CTBS: variants seen among roughly 807,000 people sequenced by gnomAD.
CTBS encodes the protein chitobiase, also known as di-N-acetylchitobiase.
A neutral mutation model predicts 44.3 loss-of-function variants in CTBS; 35 were observed. That is an observed-to-expected ratio of 0.79 (90% CI 0.60 to 1.05). The LOEUF is 1.05. Ranked by LOEUF, CTBS falls within the 50% of genes least tolerant of loss-of-function variation. The pLI, the probability that CTBS is intolerant of heterozygous loss-of-function variation, is 0.00. For synonymous variants in CTBS, 143 were observed against 168.0 expected, an observed-to-expected ratio of 0.85 and a Z score of 1.15; for missense variants, 458 against 475.3, an observed-to-expected ratio of 0.96 and a Z score of 0.34.
Position 84,551,136 on chromosome 1 carries a change from T to C in CTBS, c.*3863A>G. On this transcript the variant is annotated 3_prime_UTR_variant, in exon 7 of 7. Transcript: ENST00000370630. ...TCATAGAAATTATCTGTGAAGTACA[T>C]ATGTATTAAAAAGCTTTTTTGTTGA... 7.1e-6 allele frequency: 7 copies of C among 985,220 alleles called. No individual in the cohort carries two copies. Among genetic ancestry groups the C allele is most frequent in the Non-Finnish European group, 8.4e-6 (7 of 829,792 alleles). 61.0% of individuals were successfully genotyped at this position (985,220 alleles called of 1,614,324 possible). A position where few individuals can be genotyped will look rare whatever the true frequency, so the allele number is the denominator to read the frequency against.
Position 84,550,520 on chromosome 1 carries a change from T to C in CTBS, c.*4479A>G. The C allele has an allele frequency of 1.3e-6, 2 of 1,540,896 alleles. No homozygotes were observed. Among genetic ancestry groups the C allele is most frequent in the African/African-American group, 1.4e-5 (1 of 71,908 alleles). On this transcript the variant is annotated 3_prime_UTR_variant, in exon 7 of 7. Coordinates refer to ENST00000370630, the MANE Select transcript of CTBS (RefSeq NM_004388.3). ...GATACTGACAAAATGAAACTCATAG[T>C]AGAAGTTAAGGTAATTTACATTTTT...
intron 3 of CTBS, among the ~76,000 whole-genome samples, chr1:84,567,391 A>C (rs1227687405): frequency 6.6e-6 from 1 of 152,210 alleles, no homozygotes; most frequent in Non-Finnish European, 1.5e-5. Context: ...CCATTTTGTA[A>C]GAGTGTTTTC....
In CTBS at chr1:84,550,199, G is replaced by A. The variant is rs180965063; in HGVS notation, c.*4800C>T. ...ATTCCTTTCATAGTAATAGTTGTTG[G>A]TTTTTACGATGCTAATTTAATGGTA... On this transcript the variant is annotated 3_prime_UTR_variant, in exon 7 of 7. Coordinates refer to ENST00000370630, the MANE Select transcript of CTBS (RefSeq NM_004388.3). 172 of 290,172 alleles carry A rather than the reference G, an allele frequency of 5.9e-4. 1 individual carries two copies. The highest frequency in any genetic ancestry group is 3.6e-3 in the African/African-American group (163 of 45,800). The allele number at this position is 290,172 out of a possible 1,614,324, so 18.0% of individuals were successfully genotyped here.
At chr1:84,557,533 C>CAAAAAAAAAAAAAAAA (rs56101174) in intron 6 of CTBS, among the ~76,000 whole-genome samples, 6 of 55,420 alleles carry the variant, frequency 1.1e-4, no homozygotes, top group East Asian at 6.9e-4. Flanking sequence ...AACTCCATCT[C>CAAAAAAAAAAAAAAAA]AAAAAAAAAA....
At chr1:84,558,078 A>C (rs934430832) in intron 6 of CTBS, among the ~76,000 whole-genome samples, 7 of 152,090 alleles carry the variant, frequency 4.6e-5, no homozygotes, top group African/African-American at 1.4e-4. Context: ...AAATACAAGA[A>C]ATCTACTGTA....
At chr1:84,568,648 C>A (rs1046968552) in intron 3 of CTBS, among the ~76,000 whole-genome samples, 2 of 152,218 alleles carry the variant, frequency 1.3e-5, no homozygotes, top group Middle Eastern at 3.4e-3. Context: ...TGTCCCCGCC[C>A]AAATCTCATG....
intron 6 of CTBS, among the ~76,000 whole-genome samples, chr1:84,561,697 A>G (rs1684597625): frequency 6.6e-6 from 1 of 152,202 alleles, no homozygotes. Flanking sequence ...AACCTTCAGC[A>G]ACCACCACCC....
Position 84,549,939 on chromosome 1 carries a change from C to T in CTBS, c.*5060G>A, listed in dbSNP as rs965241217. ...TCAGTTCAATATAAGAATTTTTTCACAAAGCCAGTTTAAAACTCTTAAATA... is the reference window on the plus strand; with the variant it reads ...TCAGTTCAATATAAGAATTTTTTCATAAAGCCAGTTTAAAACTCTTAAATA... On this transcript the variant is annotated 3_prime_UTR_variant, in exon 7 of 7. Coordinates refer to ENST00000370630, the MANE Select transcript of CTBS (RefSeq NM_004388.3). 6 of 151,432 alleles carry T rather than the reference C, an allele frequency of 4.0e-5. No individual in the cohort carries two copies. The highest frequency in any genetic ancestry group is 1.2e-4 in the African/African-American group (5 of 41,284). The allele number at this position is 151,432 out of a possible 1,614,324, so 9.4% of individuals were successfully genotyped here.
At chr1:84,568,937 G>A (rs184989112) in intron 3 of CTBS, among the ~76,000 whole-genome samples, 29 of 152,240 alleles carry the variant, frequency 1.9e-4, no homozygotes, top group Admixed American at 1.6e-3. Flanking sequence ...CTGCAGAACC[G>A]TGAGCCAATT....
At chr1:84,557,533 C>CAAAAAAAAAAA (rs56101174) in intron 6 of CTBS, among the ~76,000 whole-genome samples, 2 of 55,436 alleles carry the variant, frequency 3.6e-5, no homozygotes, top group East Asian at 6.9e-4. Flanking sequence ...AACTCCATCT[C>CAAAAAAAAAAA]AAAAAAAAAA....
chr1:84,554,981 T>C lies in CTBS; in HGVS notation c.*18A>G. On this transcript the variant is annotated 3_prime_UTR_variant, in exon 7 of 7. Coordinates refer to ENST00000370630, the MANE Select transcript of CTBS (RefSeq NM_004388.3). ...TACAGATCATCTTTCTAACTCTTAA[T>C]GGTTTGACAAAAGATGTTCATCTCT... is the stretch of plus-strand genomic sequence containing the variant. The C allele has an allele frequency of 4.4e-6, 7 of 1,604,572 alleles. No individual in the cohort carries two copies. The highest frequency in any genetic ancestry group is 6.0e-6 in the Non-Finnish European group (7 of 1,172,280).
At chr1:84,557,100 T>A (rs529379450) in intron 6 of CTBS, among the ~76,000 whole-genome samples, 1 of 152,210 alleles carries the variant, frequency 6.6e-6, no homozygotes, top group Non-Finnish European at 1.5e-5. Context: ...TAAGACTAAT[T>A]TATGCATGGT....
intron 6 of CTBS, among the ~76,000 whole-genome samples, chr1:84,559,605 G>A (rs1472975316): frequency 6.6e-6 from 1 of 152,034 alleles, no homozygotes; most frequent in Admixed American, 6.5e-5. Context: ...CTGGGTGACG[G>A]AGCGATACTC....
Position 84,569,942 on chromosome 1 carries a change from C to T in CTBS, c.514G>A (p.Glu172Lys). 6.2e-7 allele frequency: 1 copy of T among 1,610,014 alleles called. No homozygotes were observed. The highest frequency in any genetic ancestry group is 2.2e-5 in the East Asian group (1 of 44,758). Residue 172 changes from glutamate to lysine, a missense_variant, in exon 3 of 7, where the codon GAG becomes AAG. By Grantham distance (56) the Glu-to-Lys change is moderately conservative (BLOSUM62 1). Transcript: ENST00000370630. Reference protein sequence around the residue: ...ETTDSFHREIEGSQVTFDVAW... With the variant: ...ETTDSFHREIKGSQVTFDVAW... ...AAATGAGTTTTTACCTGTGATCCCT[C>T]AATTTCACGATGGAAAGAGTCTGTA...
rs144426602 is a variant in CTBS, at chr1:84,557,584, G to A, written c.958-2385C>T. On this transcript the variant is annotated intron_variant, in intron 6 of 6. Transcript: ENST00000370630. ...AAAAAAAAAGAAGGAGGCTGGGCGC[G>A]GTGGCTCACACCTATAATCCCAGCC... is the stretch of plus-strand genomic sequence containing the variant. Among the ~76,000 whole-genome samples the A allele has an allele frequency of 4.3e-3, 650 of 149,496 alleles. 4 individuals are homozygous for A. Among genetic ancestry groups the A allele is most frequent in the African/African-American group, 0.015 (595 of 40,516 alleles).
intron 1 of CTBS, among the ~76,000 whole-genome samples, chr1:84,571,533 C>T (rs919671093): frequency 1.3e-5 from 2 of 152,216 alleles, no homozygotes; most frequent in African/African-American, 4.8e-5. Flanking sequence ...TTTCTTCCCA[C>T]AGTTAATTCA....
At chr1:84,569,297 G>T (rs1482169510) in intron 3 of CTBS, among the ~76,000 whole-genome samples, 1 of 152,130 alleles carries the variant, frequency 6.6e-6, no homozygotes, top group Non-Finnish European at 1.5e-5. Flanking sequence ...CATGTGTGTG[G>T]AAAAGTAAAC....
intron 1 of CTBS, among the ~76,000 whole-genome samples, chr1:84,571,512 T>G (rs1345828187): frequency 6.6e-6 from 1 of 152,252 alleles, no homozygotes; most frequent in Non-Finnish European, 1.5e-5. Flanking sequence ...GATGTTGTGT[T>G]TCTCTGATAT....
At chr1:84,561,632 T>C (rs190815721) in intron 6 of CTBS, among the ~76,000 whole-genome samples, 2 of 152,280 alleles carry the variant, frequency 1.3e-5, no homozygotes, top group South Asian at 2.1e-4. Context: ...GAAGAGTCAA[T>C]TGACGTGGCA....
Sources: allele counts gnomAD v4.1 joint callset (sites outside exome capture counted in the v4.1 genomes callset), GRCh38; gene constraint gnomAD v4.1.1; transcripts MANE v1.5; gene names NCBI Gene and HGNC (gene_info 2026-07-23, HGNC 2026-07-21).